RBFOX1: variants seen among roughly 807,000 people sequenced by gnomAD.
The protein encoded by RBFOX1 is RNA binding fox-1 homolog 1.
RBFOX1 carries 8 observed loss-of-function variants against 57.7 expected under a neutral mutation model. The observed-to-expected ratio is 0.14, with a 90% CI of 0.08 to 0.25. The LOEUF (loss-of-function observed/expected upper bound fraction) is 0.25. Ranked by LOEUF, RBFOX1 falls within the 10% of genes least tolerant of loss-of-function variation. The pLI is 1.00. For synonymous variants in RBFOX1, 326 were observed against 222.4 expected (o/e 1.47, Z -4.15); for missense variants, 611 against 548.5 (o/e 1.11, Z -1.14).
chr16:7,147,362 TGTTA>T (rs1309324560), intron 4 of RBFOX1, among the ~76,000 whole-genome samples: 1 of 149,566 alleles, frequency 6.7e-6, no homozygotes, highest in African/African-American at 2.5e-5. Flanking sequence ...TCTGCAGGTC[TGTTA>T]CACAGGTAAA....
intron 3 of RBFOX1, among the ~76,000 whole-genome samples, chr16:7,015,658 A>T (rs2093874264): frequency 6.6e-6 from 1 of 152,224 alleles, no homozygotes; most frequent in African/African-American, 2.4e-5. Flanking sequence ...TCTTTTGAGC[A>T]AACAAGAAGT....
chr16:5,776,480 A>G (rs562324552), intron 3 of RBFOX1, among the ~76,000 whole-genome samples: 1 of 152,332 alleles, frequency 6.6e-6, no homozygotes, highest in South Asian at 2.1e-4. Flanking sequence ...GGCTGAGCTT[A>G]AGTCTTCCAG....
intron 4 of RBFOX1, among the ~76,000 whole-genome samples, chr16:5,938,364 C>T (rs547008044): frequency 6.6e-6 from 1 of 152,132 alleles, no homozygotes; most frequent in African/African-American, 2.4e-5. Flanking sequence ...AATTTTGGCC[C>T]TATTTCAGTG....
chr16:5,637,257 C>G (rs2108999), intron 3 of RBFOX1, among the ~76,000 whole-genome samples: 24,701 of 152,162 alleles, frequency 0.16, 2,461 homozygotes, highest in South Asian at 0.31. Context: ...AGGCTTTGGG[C>G]CATCGTACAA....
chr16:5,458,677 G>C (rs2068702520), intron 1 of RBFOX1, among the ~76,000 whole-genome samples: 1 of 152,168 alleles, frequency 6.6e-6, no homozygotes, highest in Non-Finnish European at 1.5e-5. Context: ...AATCCAAATA[G>C]GCAACTGGGT....
intron 3 of RBFOX1, among the ~76,000 whole-genome samples, chr16:6,766,526 A>G (rs949053069): frequency 6.6e-6 from 1 of 151,982 alleles, no homozygotes; most frequent in Non-Finnish European, 1.5e-5. Flanking sequence ...AGCACTGTCC[A>G]ATAGAACTTT....
intron 4 of RBFOX1, among the ~76,000 whole-genome samples, chr16:7,182,503 A>G (rs1210624301): frequency 6.6e-6 from 1 of 152,166 alleles, no homozygotes; most frequent in African/African-American, 2.4e-5. Context: ...CATTTTCTAG[A>G]TATTTTATGG....
intron 1 of RBFOX1, among the ~76,000 whole-genome samples, chr16:6,048,801 T>C (rs1025411500): frequency 6.6e-6 from 1 of 152,206 alleles, no homozygotes; most frequent in Non-Finnish European, 1.5e-5. Flanking sequence ...AATTAATTCA[T>C]GTACTTTAAA....
At chr16:7,166,522 G>T (rs763247873) in intron 4 of RBFOX1, among the ~76,000 whole-genome samples, 28 of 152,218 alleles carry the variant, frequency 1.8e-4, no homozygotes, top group Non-Finnish European at 3.8e-4. Context: ...GGAACAGGAT[G>T]GCCTCAAAGA....
At chr16:7,127,449 A>G (rs924146201) in intron 4 of RBFOX1, among the ~76,000 whole-genome samples, 4 of 152,180 alleles carry the variant, frequency 2.6e-5, no homozygotes, top group East Asian at 1.9e-4. Flanking sequence ...TGTTATGTCA[A>G]GGTAGGGAGA....
At chr16:5,792,900 T>G (rs966681639) in intron 3 of RBFOX1, among the ~76,000 whole-genome samples, 5 of 152,106 alleles carry the variant, frequency 3.3e-5, no homozygotes, top group African/African-American at 1.2e-4. Flanking sequence ...TAGAAGTGGA[T>G]TATTTTAAAG....
chr16:6,259,803 C>G (rs1412844852), intron 1 of RBFOX1, among the ~76,000 whole-genome samples: 1 of 151,318 alleles, frequency 6.6e-6, no homozygotes, highest in Non-Finnish European at 1.5e-5. Context: ...ACTAAAAATA[C>G]AAAAAAAAGT....
intron 3 of RBFOX1, among the ~76,000 whole-genome samples, chr16:5,790,973 A>T (rs1264903255): frequency 6.7e-6 from 1 of 148,632 alleles, no homozygotes; most frequent in African/African-American, 2.5e-5. Flanking sequence ...GGTTCAAGTG[A>T]TTCTTTTGCT....
intron 4 of RBFOX1, among the ~76,000 whole-genome samples, chr16:7,407,094 G>A (rs1212418203): frequency 6.6e-6 from 1 of 152,130 alleles, no homozygotes; most frequent in Non-Finnish European, 1.5e-5. Context: ...GTTTTTGGGG[G>A]AACGGGTGGT....
At chr16:7,500,160 G>C (rs1198044583) in intron 4 of RBFOX1, among the ~76,000 whole-genome samples, 2 of 152,164 alleles carry the variant, frequency 1.3e-5, no homozygotes, top group African/African-American at 2.4e-5. Context: ...TTAATCATGT[G>C]AAGAAGCACA....
chr16:6,672,450 AAAGGAAAGG>A (rs1022053910), intron 3 of RBFOX1, among the ~76,000 whole-genome samples: 2 of 151,582 alleles, frequency 1.3e-5, no homozygotes, highest in African/African-American at 4.8e-5. Flanking sequence ...AAGAGAAAAG[AAAGGAAAGG>A]AAGGAAAGAA....
At chr16:6,401,239 CTGG>C (rs1420026747) in intron 2 of RBFOX1, among the ~76,000 whole-genome samples, 1 of 152,172 alleles carries the variant, frequency 6.6e-6, no homozygotes, top group Non-Finnish European at 1.5e-5. Context: ...GTACCATCCA[CTGG>C]CCAGATCTGG....
At position 5,559,048 on chromosome 16, in the gene RBFOX1, G is replaced by C. The variant is rs916182209; in HGVS notation, c.259-39854G>C. On this transcript the variant is annotated intron_variant, in intron 2 of 2. Coordinates refer to the RBFOX1 transcript ENST00000585867. ...TAGCAGTTATGCTCACGTGGGTACAGAGCTGGGCTGGGGGGGTTTGCCTGA... is the reference window on the plus strand; with the variant it reads ...TAGCAGTTATGCTCACGTGGGTACACAGCTGGGCTGGGGGGGTTTGCCTGA... Among the ~76,000 whole-genome samples, 3 of 151,688 alleles carry C rather than the reference G, an allele frequency of 2.0e-5. No individual in the cohort carries two copies. The East Asian group carries it at 5.8e-4, about 30-fold the overall frequency.
intron 3 of RBFOX1, among the ~76,000 whole-genome samples, chr16:5,715,930 A>G (rs1293463628): frequency 2.0e-5 from 3 of 152,320 alleles, no homozygotes; most frequent in African/African-American, 7.2e-5. Flanking sequence ...TCATCACAGC[A>G]TAGTTGTATT....
Sources: allele counts gnomAD v4.1 joint callset (sites outside exome capture counted in the v4.1 genomes callset), GRCh38; gene constraint gnomAD v4.1.1; transcripts MANE v1.5; gene names NCBI Gene and HGNC (gene_info 2026-07-23, HGNC 2026-07-21).